Variants in COG5 observed in about 807,000 individuals in gnomAD.
The protein encoded by COG5 is conserved oligomeric Golgi complex subunit 5.
In COG5, 86 loss-of-function variants were observed where a neutral mutation model predicts 110.4. The observed-to-expected ratio is 0.78, with a 90% CI of 0.65 to 0.93. The LOEUF is 0.93. COG5 is among the 40% of genes least tolerant of loss of function. The probability of loss-of-function intolerance (pLI) is 0.00; values close to 1 mark genes in which losing one functional copy is unlikely to be tolerated. For missense variants in COG5, 1,077 were observed against 987.0 expected, an observed-to-expected ratio of 1.09 and a Z score of -1.22; for synonymous variants, 360 against 334.6, an observed-to-expected ratio of 1.08 and a Z score of -0.83.
At chr7:107,206,012 G>C (rs1354901131) in intron 21 of COG5, among the ~76,000 whole-genome samples, 3 of 151,420 alleles carry the variant, frequency 2.0e-5, no homozygotes, top group Non-Finnish European at 2.9e-5. Context: ...CCAGGCTGGA[G>C]TGCAGTGCCG....
chr7:107,217,852 G>C (rs530541669), intron 19 of COG5, among the ~76,000 whole-genome samples: 1 of 152,124 alleles, frequency 6.6e-6, no homozygotes, highest in Admixed American at 6.5e-5. Context: ...AATCCTACTG[G>C]AGGTCTTTGT....
At chr7:107,496,611 G>A (rs1003762249) in intron 6 of COG5, among the ~76,000 whole-genome samples, 1 of 147,136 alleles carries the variant, frequency 6.8e-6, no homozygotes, top group Non-Finnish European at 1.5e-5. Context: ...AGTGAACCAA[G>A]ATCGTGTAAC....
chr7:107,248,928 A>T (rs2116554281), intron 16 of COG5, among the ~76,000 whole-genome samples: 1 of 152,266 alleles, frequency 6.6e-6, no homozygotes, highest in South Asian at 2.1e-4. Flanking sequence ...TAATAAACAG[A>T]CATTGATTCT....
chr7:107,300,993 C>T (rs1807215156), intron 11 of COG5, among the ~76,000 whole-genome samples: 1 of 151,910 alleles, frequency 6.6e-6, no homozygotes, highest in African/African-American at 2.4e-5. Context: ...AAAAATAGAC[C>T]CACACATATC....
chr7:107,448,836 A>T (rs1055534279), intron 6 of COG5, among the ~76,000 whole-genome samples: 4 of 152,200 alleles, frequency 2.6e-5, no homozygotes, highest in Admixed American at 2.0e-4. Flanking sequence ...TGAACCACAC[A>T]GCCTAGAAAT....
intron 19 of COG5, among the ~76,000 whole-genome samples, chr7:107,212,511 A>C (rs1584526791): frequency 1.3e-5 from 2 of 152,370 alleles, no homozygotes; most frequent in East Asian, 3.9e-4. Flanking sequence ...GTTTGTAGGC[A>C]TCTCTGTAAG....
At chr7:107,483,186 C>T (rs1797449037) in intron 6 of COG5, among the ~76,000 whole-genome samples, 1 of 152,134 alleles carries the variant, frequency 6.6e-6, no homozygotes, top group African/African-American at 2.4e-5. Context: ...GTTTAGGTAA[C>T]ACTGATACTT....
chr7:107,449,529 GA>G (rs1301464739), intron 6 of COG5, among the ~76,000 whole-genome samples: 2 of 152,178 alleles, frequency 1.3e-5, no homozygotes, highest in Non-Finnish European at 2.9e-5. Context: ...TATCACAATA[GA>G]AAGTGATCTC....
chr7:107,307,530 C>G (rs1371188807), intron 11 of COG5, among the ~76,000 whole-genome samples: 2 of 152,212 alleles, frequency 1.3e-5, no homozygotes, highest in African/African-American at 4.8e-5. Flanking sequence ...GCCCCTCCAT[C>G]ACTACCAGTT....
intron 12 of COG5, among the ~76,000 whole-genome samples, chr7:107,288,644 G>T (rs1248538818): frequency 6.6e-6 from 1 of 151,798 alleles, no homozygotes; most frequent in Non-Finnish European, 1.5e-5. Context: ...TTTTAGTTGG[G>T]TAATTTGTCT....
At chr7:107,320,786 G>T (rs1478533825) in intron 11 of COG5, among the ~76,000 whole-genome samples, 2 of 152,148 alleles carry the variant, frequency 1.3e-5, no homozygotes, top group Non-Finnish European at 2.9e-5. Context: ...ATAATTACAG[G>T]ACTCTCTGAG....
intron 7 of COG5, among the ~76,000 whole-genome samples, chr7:107,395,269 G>A (rs1293543081): frequency 1.3e-5 from 2 of 152,026 alleles, no homozygotes; most frequent in African/African-American, 2.4e-5. Context: ...AAAGAAAAGT[G>A]GGGAGAAAGA....
At chr7:107,525,099 T>C (rs946986805) in intron 6 of COG5, among the ~76,000 whole-genome samples, 5 of 152,110 alleles carry the variant, frequency 3.3e-5, no homozygotes, top group Admixed American at 6.5e-5. Flanking sequence ...AGCTAATTTT[T>C]GTATTTTTAG....
At chr7:107,476,644 A>G (rs1461812971) in intron 6 of COG5, among the ~76,000 whole-genome samples, 2 of 151,742 alleles carry the variant, frequency 1.3e-5, no homozygotes, top group African/African-American at 2.4e-5. Flanking sequence ...TAATGTAATA[A>G]TCTATCGATA....
At chr7:107,230,768 A>G in intron 18 of COG5, 77 bp from the exon 19 acceptor site, 1 of 1,138,546 alleles carries the variant, frequency 8.8e-7, no homozygotes, top group Non-Finnish European at 1.3e-6. Flanking sequence ...GGATCACAGA[A>G]AGTTGTAGCT....
At chr7:107,224,654 T>C (rs888648160) in intron 19 of COG5, among the ~76,000 whole-genome samples, 1 of 152,214 alleles carries the variant, frequency 6.6e-6, no homozygotes, top group African/African-American at 2.4e-5. Flanking sequence ...ATACTGACAA[T>C]GTCAAGGGTC....
At chr7:107,267,507 C>CTG (rs1442905605) in intron 14 of COG5, among the ~76,000 whole-genome samples, 2 of 152,276 alleles carry the variant, frequency 1.3e-5, no homozygotes, top group East Asian at 3.9e-4. Flanking sequence ...TTCAGGTATG[C>CTG]TGAGCTTTTC....
chr7:107,444,685 A>T (rs1470205603), intron 6 of COG5, among the ~76,000 whole-genome samples: 2 of 152,318 alleles, frequency 1.3e-5, no homozygotes, highest in South Asian at 4.1e-4. Context: ...ACTATATCAT[A>T]AACTCTAAAG....
intron 17 of COG5, among the ~76,000 whole-genome samples, chr7:107,241,871 C>T (rs1255863059): frequency 6.6e-6 from 1 of 152,132 alleles, no homozygotes; most frequent in East Asian, 1.9e-4. Context: ...GCCTCAATTC[C>T]TTCAGGCTGA....
Sources: allele counts gnomAD v4.1 joint callset (sites outside exome capture counted in the v4.1 genomes callset), GRCh38; gene constraint gnomAD v4.1.1; transcripts MANE v1.5; gene names NCBI Gene and HGNC (gene_info 2026-07-23, HGNC 2026-07-21).